Variants in DMD observed in about 807,000 individuals in gnomAD.
DMD encodes the protein dystrophin, also known as mutant dystrophin.
In DMD, 63 loss-of-function variants were observed where a neutral mutation model predicts 330.1. The ratio of observed to expected loss-of-function variants is 0.19; its 90% CI spans 0.16 to 0.24. The LOEUF (loss-of-function observed/expected upper bound fraction) is 0.24. Ranked by LOEUF, DMD falls within the 10% of genes least tolerant of loss-of-function variation. The pLI, the probability that DMD is intolerant of heterozygous loss-of-function variation, is 1.00. For synonymous variants in DMD, 1,223 were observed against 959.8 expected, an observed-to-expected ratio of 1.27 and a Z score of -5.07; for missense variants, 3,344 against 2,684.1, an observed-to-expected ratio of 1.25 and a Z score of -5.43.
At chrX:32,326,587 C>G (rs1029310039) in intron 41 of DMD, among the ~76,000 whole-genome samples, 4 of 112,025 alleles carry the variant, frequency 3.6e-5, no homozygotes, top group African/African-American at 1.3e-4. Context: ...ATGTATTAAA[C>G]ACTTTTGCAC....
intron 47 of DMD, among the ~76,000 whole-genome samples, chrX:31,925,374 T>C (rs955824993): frequency 3.6e-5 from 4 of 111,344 alleles, no homozygotes; most frequent in Non-Finnish European, 7.5e-5. Flanking sequence ...TAAAGCATAT[T>C]TTGGTTTTAA....
At chrX:32,258,752 T>C (rs1276507186) in intron 43 of DMD, among the ~76,000 whole-genome samples, 1 of 110,817 alleles carries the variant, frequency 9.0e-6, no homozygotes, top group Admixed American at 9.7e-5. Context: ...CCATGGAACG[T>C]GTACACCTAT....
Position 31,254,442 on chromosome X carries a change from G to A in DMD, c.9286+6513C>T, listed in dbSNP as rs542955599. On this transcript the variant is annotated intron_variant, in intron 63 of 78. Coordinates refer to ENST00000357033, the MANE Select transcript of DMD (RefSeq NM_004006.3). Reference sequence around the variant, plus strand: ...TGTAACCTCGGCTCACTGCAGTCTCGTCCTCCCGGGCTCAAGCGACCCTCC... The same window carrying A: ...TGTAACCTCGGCTCACTGCAGTCTCATCCTCCCGGGCTCAAGCGACCCTCC... Among the ~76,000 whole-genome samples, 67 of 110,797 alleles carry A rather than the reference G, an allele frequency of 6.0e-4. No homozygotes were observed. The South Asian group carries it at 9.8e-3, about 16-fold the overall frequency.
intron 1 of DMD, among the ~76,000 whole-genome samples, chrX:33,026,296 C>CAG (rs2093997308): frequency 1.4e-5 from 1 of 69,452 alleles, no homozygotes; most frequent in Non-Finnish European, 2.4e-5. Context: ...GCCTGGGGGA[C>CAG]AGAGGAGACT....
intron 60 of DMD, among the ~76,000 whole-genome samples, chrX:31,379,082 TC>T (rs1238062285): frequency 3.6e-5 from 4 of 109,802 alleles, no homozygotes; most frequent in African/African-American, 1.3e-4. Context: ...TTCCAAATCT[TC>T]CTTCTTTCCC....
chrX:32,287,749 A>G, intron 42 of DMD, 48 bp from the exon 43 acceptor site: 1 of 888,594 alleles, frequency 1.1e-6, no homozygotes, highest in East Asian at 3.6e-5. Flanking sequence ...TTAGCTGTCT[A>G]TAGAAAGAGA....
chrX:31,940,200 G>A (rs1289224497), intron 45 of DMD, among the ~76,000 whole-genome samples: 1 of 111,778 alleles, frequency 8.9e-6, no homozygotes, highest in Non-Finnish European at 1.9e-5. Flanking sequence ...AGGGGAAGAT[G>A]GGGAGCAGTT....
intron 50 of DMD, among the ~76,000 whole-genome samples, chrX:31,804,876 C>T (rs915500315): frequency 6.7e-5 from 7 of 104,979 alleles, no homozygotes; most frequent in Admixed American, 2.1e-4. Context: ...CCTCTGACAT[C>T]GCTCTGTTGC....
At chrX:31,658,951 A>G (rs1277038085) in intron 53 of DMD, among the ~76,000 whole-genome samples, 5 of 112,102 alleles carry the variant, frequency 4.5e-5, no homozygotes. Flanking sequence ...ATCAAATTCA[A>G]TAGGATGGGT....
chrX:32,545,474 G>A (rs2048878409), intron 16 of DMD, 140 bp from the exon 17 acceptor site: 3 of 573,270 alleles, frequency 5.2e-6, no homozygotes, highest in South Asian at 6.3e-5. Context: ...GCACCATATT[G>A]AAGCCAAATA....
At chrX:32,795,964 C>T (rs992076911) in intron 7 of DMD, among the ~76,000 whole-genome samples, 3 of 111,040 alleles carry the variant, frequency 2.7e-5, no homozygotes, top group Non-Finnish European at 5.7e-5. Context: ...CAGATGTTGA[C>T]GAGGTGCAAC....
intron 60 of DMD, among the ~76,000 whole-genome samples, chrX:31,364,575 A>C (rs2059129973): frequency 8.9e-6 from 1 of 112,374 alleles, no homozygotes; most frequent in Non-Finnish European, 1.9e-5. Flanking sequence ...TAAGAAAATT[A>C]GCATTGATCC....
At chrX:31,577,006 C>T (rs748506031) in intron 55 of DMD, among the ~76,000 whole-genome samples, 13 of 111,971 alleles carry the variant, frequency 1.2e-4, no homozygotes, top group African/African-American at 2.9e-4. Flanking sequence ...TGAGCCACCG[C>T]GCCCGGCCGA....
chrX:31,579,534 A>G (rs1362922339), intron 55 of DMD, among the ~76,000 whole-genome samples: 2 of 112,189 alleles, frequency 1.8e-5, no homozygotes, highest in Non-Finnish European at 3.8e-5. Context: ...GTAGGGAGCC[A>G]ATTTACCATG....
intron 9 of DMD, among the ~76,000 whole-genome samples, chrX:32,691,629 C>T (rs2063288765): frequency 9.0e-6 from 1 of 111,022 alleles, no homozygotes; most frequent in African/African-American, 3.3e-5. Context: ...ACAGAACTCC[C>T]ACTTGATCTA....
chrX:31,210,140 G>A (rs964512967), intron 64 of DMD, among the ~76,000 whole-genome samples: 1 of 111,797 alleles, frequency 8.9e-6, no homozygotes, highest in Non-Finnish European at 1.9e-5. Context: ...TATGGCTAAG[G>A]TTGTGTAAAC....
At chrX:32,335,963 G>C (rs1161310772) in intron 41 of DMD, among the ~76,000 whole-genome samples, 1 of 103,659 alleles carries the variant, frequency 9.6e-6, no homozygotes, top group Non-Finnish European at 2.0e-5. Context: ...TATATAACGT[G>C]TATATGTGTA....
intron 44 of DMD, among the ~76,000 whole-genome samples, chrX:31,987,512 T>G (rs1344797997): frequency 8.9e-6 from 1 of 111,927 alleles, no homozygotes; most frequent in African/African-American, 3.3e-5. Flanking sequence ...GAGATCGATG[T>G]TTTTAGATTG....
intron 34 of DMD, among the ~76,000 whole-genome samples, chrX:32,378,722 C>T (rs1481214848): frequency 1.4e-4 from 15 of 109,915 alleles, no homozygotes; most frequent in Non-Finnish European, 2.9e-4. Flanking sequence ...AGTCACATTC[C>T]AAATACTTGG....
Sources: allele counts gnomAD v4.1 joint callset (sites outside exome capture counted in the v4.1 genomes callset), GRCh38; gene constraint gnomAD v4.1.1; transcripts MANE v1.5; gene names NCBI Gene and HGNC (gene_info 2026-07-23, HGNC 2026-07-21).